Variants in THBS4 observed in about 807,000 individuals in gnomAD.
THBS4 encodes thrombospondin-4.
In THBS4, 90 loss-of-function variants were observed where a neutral mutation model predicts 115.7. The ratio of observed to expected loss-of-function variants is 0.78; its 90% CI spans 0.66 to 0.93. The LOEUF (loss-of-function observed/expected upper bound fraction) is 0.93. Among genes scored for constraint, THBS4 ranks in the 40% least tolerant of loss-of-function variants. THBS4 has a pLI of 0.00. For synonymous variants in THBS4, 460 were observed against 479.3 expected, an observed-to-expected ratio of 0.96 and a Z score of 0.53; for missense variants, 1,087 against 1,232.7, an observed-to-expected ratio of 0.88 and a Z score of 1.77.
intron 2 of THBS4, among the ~76,000 whole-genome samples, chr5:80,005,906 A>C (rs1343910244): frequency 1.3e-5 from 2 of 151,486 alleles, no homozygotes; most frequent in Non-Finnish European, 2.9e-5. Flanking sequence ...AGCTGGGACT[A>C]CAGGTGTGCG....
At chr5:80,010,727 G>T (rs6870882) in intron 2 of THBS4, among the ~76,000 whole-genome samples, 2,121 of 152,320 alleles carry the variant, frequency 0.014, 57 homozygotes, top group African/African-American at 0.049. Flanking sequence ...AAGTTAAGCT[G>T]CAGTACAGTC....
intron 13 of THBS4, 155 bp from the exon 14 acceptor site, chr5:80,072,123 G>A (rs893320461): frequency 3.1e-5 from 21 of 682,542 alleles, no homozygotes; most frequent in Admixed American, 4.4e-5. Context: ...CCCAGAATCC[G>A]TCCTTTGAAG....
chr5:80,073,890 A>G (rs1003579303), intron 15 of THBS4, among the ~76,000 whole-genome samples: 2 of 152,214 alleles, frequency 1.3e-5, no homozygotes, highest in East Asian at 1.9e-4. Flanking sequence ...GAGAGGTAAT[A>G]TAGCATCATG....
chr5:80,004,614 A>G (rs1308955097), intron 2 of THBS4, among the ~76,000 whole-genome samples: 2 of 152,206 alleles, frequency 1.3e-5, no homozygotes, highest in African/African-American at 2.4e-5. Context: ...AACTTTTCGT[A>G]TTATTTAGCT....
chr5:80,021,435 CATT>C (rs1832372553), intron 2 of THBS4, among the ~76,000 whole-genome samples: 1 of 151,896 alleles, frequency 6.6e-6, no homozygotes, highest in African/African-American at 2.4e-5. Flanking sequence ...AGTGAAAAAA[CATT>C]ATCTATACAC....
At chr5:80,001,333 A>G (rs571013432) in intron 2 of THBS4, among the ~76,000 whole-genome samples, 1 of 152,338 alleles carries the variant, frequency 6.6e-6, no homozygotes, top group Admixed American at 6.5e-5. Context: ...CTTCCTCACA[A>G]TAACTGAAGG....
intron 20 of THBS4, among the ~76,000 whole-genome samples, chr5:80,080,577 A>ATTTTTTT (rs1743442985): frequency 1.5e-5 from 1 of 66,826 alleles, no homozygotes; most frequent in African/African-American, 5.5e-5. Flanking sequence ...CAGCGCTTGT[A>ATTTTTTT]TCTTTTTTTT....
chr5:80,068,146 C>T, intron 10 of THBS4, 21 bp downstream of exon 10: 5 of 1,612,138 alleles, frequency 3.1e-6, no homozygotes, highest in Non-Finnish European at 4.2e-6. Context: ...TTTTGACTTC[C>T]TCTATCATTT....
chr5:80,034,744 A>G (rs1832655392), upstream of THBS4, among the ~76,000 whole-genome samples: 1 of 152,216 alleles, frequency 6.6e-6, no homozygotes, highest in South Asian at 2.1e-4. Flanking sequence ...ATCTCCATTA[A>G]AAACACAACA....
At chr5:80,059,581 TGAA>T in intron 6 of THBS4, 90 bp downstream of exon 6, 1 of 1,595,756 alleles carries the variant, frequency 6.3e-7, no homozygotes, top group Non-Finnish European at 8.6e-7. Flanking sequence ...CCGCAGTTTC[TGAA>T]GGTCTACCAC....
intron 1 of THBS4, among the ~76,000 whole-genome samples, chr5:79,992,703 GT>G (rs1379630510): frequency 6.6e-6 from 1 of 152,148 alleles, no homozygotes; most frequent in Non-Finnish European, 1.5e-5. Context: ...GTCCTCGGGA[GT>G]TTACAGTGCA....
intron 15 of THBS4, 142 bp downstream of exon 15, chr5:80,073,469 C>G (rs893478193): frequency 4.1e-6 from 3 of 730,890 alleles, no homozygotes; most frequent in Non-Finnish European, 6.8e-6. Context: ...CTGCAAGCTC[C>G]GATTCCCAGG....
chr5:80,009,932 A>T (rs1292382611), intron 2 of THBS4, among the ~76,000 whole-genome samples: 1 of 152,162 alleles, frequency 6.6e-6, no homozygotes, highest in African/African-American at 2.4e-5. Context: ...CAGGAGTTCA[A>T]GACCAGCCCA....
intron 2 of THBS4, among the ~76,000 whole-genome samples, chr5:80,007,560 G>C (rs924330435): frequency 8.5e-5 from 13 of 152,196 alleles, no homozygotes; most frequent in Non-Finnish European, 1.8e-4. Flanking sequence ...TCTGCAGAAC[G>C]TGGCTACTAC....
intron 2 of THBS4, 41 bp downstream of exon 2, chr5:80,040,321 T>A: frequency 1.3e-6 from 2 of 1,505,134 alleles, no homozygotes; most frequent in East Asian, 4.8e-5. Context: ...AAAATCTCCT[T>A]TTTCTATTCC....
chr5:80,011,888 A>G (rs961134470), intron 2 of THBS4, among the ~76,000 whole-genome samples: 1 of 151,966 alleles, frequency 6.6e-6, no homozygotes, highest in African/African-American at 2.4e-5. Flanking sequence ...AAAAAAAAGA[A>G]AAAAAAGAAA....
At chr5:80,042,902 G>GT (rs1405196550) in intron 2 of THBS4, among the ~76,000 whole-genome samples, 1 of 152,064 alleles carries the variant, frequency 6.6e-6, no homozygotes, top group Non-Finnish European at 1.5e-5. Flanking sequence ...GGAGGCAGAG[G>GT]TTGCAGTGAG....
intron 2 of THBS4, chr5:80,052,454 T>C (rs1050578746): frequency 6.6e-6 from 1 of 152,254 alleles, no homozygotes; most frequent in Admixed American, 6.5e-5. Context: ...TTCCTCTTCA[T>C]ACCACATTTA....
At position 80,056,102 on chromosome 5, in the gene THBS4, G is replaced by A. The variant is rs947363334; in HGVS notation, c.540+70G>A. On this transcript the variant is annotated intron_variant, in intron 3 of 21. Transcript: ENST00000350881. ...CAGTGCCTAGGGAGTGCAGAGGAGC[G>A]TGCTGAGAAATTCCTGCTGCAGGTC... The A allele has an allele frequency of 2.3e-5, 34 of 1,487,572 alleles. No individual in the cohort carries two copies. The Admixed American group carries it at 2.9e-4, about 13-fold the overall frequency. 92.1% of individuals were successfully genotyped at this position (1,487,572 alleles called of 1,614,324 possible).
Sources: allele counts gnomAD v4.1 joint callset (sites outside exome capture counted in the v4.1 genomes callset), GRCh38; gene constraint gnomAD v4.1.1; transcripts MANE v1.5; gene names NCBI Gene and HGNC (gene_info 2026-07-23, HGNC 2026-07-21).